Variants in NAB1 observed in about 807,000 individuals in gnomAD.
NAB1 encodes the protein NGFI-A-binding protein 1.
NAB1 carries 25 observed loss-of-function variants against 49.9 expected under a neutral mutation model. The ratio of observed to expected loss-of-function variants is 0.50; its 90% CI spans 0.37 to 0.70. The LOEUF is 0.70. Ranked by LOEUF, NAB1 falls within the 30% of genes least tolerant of loss-of-function variation. NAB1 has a pLI of 0.00. For synonymous variants in NAB1, 198 were observed against 215.6 expected (o/e 0.92, Z 0.71); for missense variants, 489 against 575.9 (o/e 0.85, Z 1.54).
rs900620244 is a variant in NAB1 at position 190,657,861 on chromosome 2, T to C, written c.-19-1297T>C. ...TAACTATTGCTGCATACTGTCAGAG[T>C]TGAGAGTGGGTCTTCCATTTTTCTC... On this transcript the variant is annotated intron_variant, in intron 3 of 9. Coordinates refer to ENST00000337386, the MANE Select transcript of NAB1 (RefSeq NM_005966.4). This position sits in a 1 kb window ranked among gnomAD's most constrained non-coding sequence, Gnocchi z 4.4. Among the ~76,000 whole-genome samples the C allele has an allele frequency of 6.6e-6, 1 of 152,220 alleles. No homozygotes were observed. The highest frequency in any genetic ancestry group is 6.5e-5 in the Admixed American group (1 of 15,292).
In NAB1 at chr2:190,684,173, C is replaced by T. The variant is rs919121997; in HGVS notation, c.1095+346C>T. The stretch of plus-strand genomic sequence containing the variant: ...AATGCAACTCTGAGATAAAATAATA[C>T]TAGTTCTCAATAAAATATTAATAGT... On this transcript the variant is annotated intron_variant, in intron 7 of 9. Transcript: ENST00000337386. The surrounding 1 kb of genome is among the most constrained non-coding windows in gnomAD (Gnocchi z 4.6). 6.6e-6 allele frequency among the ~76,000 whole-genome samples: 1 copy of T among 152,170 alleles called. No individual in the cohort carries two copies. Among genetic ancestry groups the T allele is most frequent in the Non-Finnish European group, 1.5e-5 (1 of 68,018 alleles).
chr2:190,657,074 G>A lies in NAB1; in HGVS notation c.-20+921G>A, dbSNP rs1204465945. Among the ~76,000 whole-genome samples the A allele has an allele frequency of 6.6e-6, 1 of 152,078 alleles. No individual in the cohort carries two copies. Among genetic ancestry groups the A allele is most frequent in the Non-Finnish European group, 1.5e-5 (1 of 67,998 alleles). On this transcript the variant is annotated intron_variant, in intron 3 of 9. Transcript: ENST00000337386. This position sits in a 1 kb window ranked among gnomAD's most constrained non-coding sequence, Gnocchi z 4.4. The stretch of plus-strand genomic sequence containing the variant: ...TTTCTGTATTGCGTTGAAAGCCTAT[G>A]GAGGAATTGCACGAGGTGTATGATA...
Position 190,682,624 on chromosome 2 carries a change from G to T in NAB1, c.1006-1114G>T, listed in dbSNP as rs1023440552. On this transcript the variant is annotated intron_variant, in intron 6 of 9. Transcript: ENST00000337386. This position sits in a 1 kb window ranked among gnomAD's most constrained non-coding sequence, Gnocchi z 4.1. ...ATCAAACTTTTAGAAAAATTAGAGGGTAGATTTAAGTACTGAACCAAATTT... is the reference window on the plus strand; with the variant it reads ...ATCAAACTTTTAGAAAAATTAGAGGTTAGATTTAAGTACTGAACCAAATTT... 6.6e-6 allele frequency among the ~76,000 whole-genome samples: 1 copy of T among 152,166 alleles called. No individual in the cohort carries two copies. Among genetic ancestry groups the T allele is most frequent in the African/African-American group, 2.4e-5 (1 of 41,434 alleles).
At position 190,670,250 on chromosome 2, in the gene NAB1, T is replaced by C. The variant is rs2286897; in HGVS notation, c.820-76T>C. 1,465 of 1,345,360 alleles carry C rather than the reference T, an allele frequency of 1.1e-3. 10 individuals carry two copies. The highest frequency in any genetic ancestry group is 0.011 in the East Asian group (459 of 42,924). 83.3% of individuals were successfully genotyped at this position (1,345,360 alleles called of 1,614,324 possible). ...ATTATATAATGGTGTAACATTCTTA[T>C]ATTTTAAGTGAAACCTTTTGCATTT... On this transcript the variant is annotated intron_variant, in intron 4 of 9. Transcript: ENST00000337386. The surrounding 1 kb of genome is among the most constrained non-coding windows in gnomAD (Gnocchi z 5.3).
In NAB1 at chr2:190,659,360, C is replaced by G. The variant is rs1238428684; in HGVS notation, c.184C>G (p.Pro62Ala). The G allele has an allele frequency of 6.2e-7, 1 of 1,614,128 alleles. No homozygotes were observed. The change falls in exon 4 of 10, where the codon CCC (proline) becomes GCC (alanine). Residue 62 changes from proline to alanine, a missense_variant. Transcript: ENST00000337386. This position sits in a 1 kb window ranked among gnomAD's most constrained non-coding sequence, Gnocchi z 6.2. Reference protein sequence around the residue: ...IMALVGMASKPLHVRRLQKAL... With the variant: ...IMALVGMASKALHVRRLQKAL... ...GGCACTCGTGGGCATGGCTAGCAAG[C>G]CCCTTCATGTTAGAAGGCTGCAGAA...
Position 190,682,617 on chromosome 2 carries a change from T to G in NAB1, c.1006-1121T>G, listed in dbSNP as rs1156987416. On this transcript the variant is annotated intron_variant, in intron 6 of 9. Transcript: ENST00000337386. The surrounding 1 kb of genome is among the most constrained non-coding windows in gnomAD (Gnocchi z 4.1). ...AAAACAAATCAAACTTTTAGAAAAA[T>G]TAGAGGGTAGATTTAAGTACTGAAC... Among the ~76,000 whole-genome samples, 1 of 152,138 alleles carries G rather than the reference T, an allele frequency of 6.6e-6. No homozygotes were observed. Among genetic ancestry groups the G allele is most frequent in the African/African-American group, 2.4e-5 (1 of 41,422 alleles).
Position 190,659,060 on chromosome 2 carries a change from T to C in NAB1, c.-19-98T>C. ...CACAGGCAGTCACGATGCAGATGCT[T>C]CTCGTTTTTGTTCTTAAAACCTGTA... On this transcript the variant is annotated intron_variant, in intron 3 of 9. Transcript: ENST00000337386. This position sits in a 1 kb window ranked among gnomAD's most constrained non-coding sequence, Gnocchi z 6.2. 4.0e-6 allele frequency: 3 copies of C among 746,726 alleles called. No homozygotes were observed. 46.3% of individuals were successfully genotyped at this position (746,726 alleles called of 1,614,324 possible). A position where few individuals can be genotyped will look rare whatever the true frequency, so the allele number is the denominator to read the frequency against.
rs1167176740 is a variant in NAB1, at chr2:190,685,415, T to A, written c.1096-61T>A. 3.4e-6 allele frequency: 5 copies of A among 1,466,996 alleles called. No homozygotes were observed. The African/African-American group carries it at 7.1e-5, about 21-fold the overall frequency. 90.9% of individuals were successfully genotyped at this position (1,466,996 alleles called of 1,614,324 possible). On this transcript the variant is annotated intron_variant, in intron 7 of 9. Coordinates refer to ENST00000337386, the MANE Select transcript of NAB1 (RefSeq NM_005966.4). The surrounding 1 kb of genome is among the most constrained non-coding windows in gnomAD (Gnocchi z 4.5). ...TGCTGGAGTCTGAAATTGGCATCTT[T>A]AAACCATTAAAAAATCTAGAATGTT...
rs565629328 is a variant in NAB1, at chr2:190,652,882, G to A, written c.-197+2900G>A. 6.6e-5 allele frequency among the ~76,000 whole-genome samples: 10 copies of A among 152,288 alleles called. No individual in the cohort carries two copies. Among genetic ancestry groups the A allele is most frequent in the East Asian group, 5.8e-4 (3 of 5,184 alleles). On this transcript the variant is annotated intron_variant, in intron 2 of 9. Transcript: ENST00000337386. The surrounding 1 kb of genome is among the most constrained non-coding windows in gnomAD (Gnocchi z 4.2). ...CTGGGTCTAGGATGAGAATAAAAGC[G>A]AAAATAATTAATTGCATAGAGCAAG...
chr2:190,670,232 A>T lies in NAB1; in HGVS notation c.820-94A>T. On this transcript the variant is annotated intron_variant, in intron 4 of 9. Transcript: ENST00000337386. The surrounding 1 kb of genome is among the most constrained non-coding windows in gnomAD (Gnocchi z 5.3). The stretch of plus-strand genomic sequence containing the variant: ...TTTATGAATAATGATTCCATTATAT[A>T]ATGGTGTAACATTCTTATATTTTAA... 8.7e-7 allele frequency: 1 copy of T among 1,144,208 alleles called. No individual in the cohort carries two copies. The highest frequency in any genetic ancestry group is 1.2e-6 in the Non-Finnish European group (1 of 808,470). 70.9% of individuals were successfully genotyped at this position (1,144,208 alleles called of 1,614,324 possible). A position where few individuals can be genotyped will look rare whatever the true frequency, so the allele number is the denominator to read the frequency against.
intron 3 of NAB1, among the ~76,000 whole-genome samples, chr2:190,658,207 C>T (rs1245049807): frequency 6.6e-6 from 1 of 152,114 alleles, no homozygotes; most frequent in Non-Finnish European, 1.5e-5. Context: ...GAGTGATCAC[C>T]CACCCTCCTT....
intron 4 of NAB1, among the ~76,000 whole-genome samples, chr2:190,668,629 C>A (rs1694645980): frequency 6.6e-6 from 1 of 151,994 alleles, no homozygotes; most frequent in Non-Finnish European, 1.5e-5. Context: ...TTTATATGTA[C>A]ACTGAAATAT....
rs1379031484 is a variant in NAB1, at chr2:190,686,222, C to G, written c.1258+584C>G. Among the ~76,000 whole-genome samples the G allele has an allele frequency of 6.6e-6, 1 of 152,136 alleles. No individual in the cohort carries two copies. Among genetic ancestry groups the G allele is most frequent in the East Asian group, 1.9e-4 (1 of 5,202 alleles). On this transcript the variant is annotated intron_variant, in intron 8 of 9. Coordinates refer to ENST00000337386, the MANE Select transcript of NAB1 (RefSeq NM_005966.4). The surrounding 1 kb of genome is among the most constrained non-coding windows in gnomAD (Gnocchi z 5.5). ...AGGCATTTTATTTTTTTAGCAATTCCTATGTGCCAGGCACTCTCCTAGGCA... is the reference window on the plus strand; with the variant it reads ...AGGCATTTTATTTTTTTAGCAATTCGTATGTGCCAGGCACTCTCCTAGGCA...
At chr2:190,662,953 T>G (rs1472209119) in intron 4 of NAB1, among the ~76,000 whole-genome samples, 1 of 152,156 alleles carries the variant, frequency 6.6e-6, no homozygotes, top group East Asian at 1.9e-4. Flanking sequence ...TAGGTCAGTT[T>G]CCATTATAGT....
At position 190,651,371 on chromosome 2, in the gene NAB1, T is replaced by G. The variant is rs974885019; in HGVS notation, c.-197+1389T>G. ...CTTGTTAGAGAAACACTGAAAGCAT[T>G]AGGTATTTTCATCACGGTATAGCTA... is the stretch of plus-strand genomic sequence containing the variant. On this transcript the variant is annotated intron_variant, in intron 2 of 9. Transcript: ENST00000337386. This position sits in a 1 kb window ranked among gnomAD's most constrained non-coding sequence, Gnocchi z 4.3. Among the ~76,000 whole-genome samples, 1 of 152,228 alleles carries G rather than the reference T, an allele frequency of 6.6e-6. No individual in the cohort carries two copies. Among genetic ancestry groups the G allele is most frequent in the Non-Finnish European group, 1.5e-5 (1 of 68,036 alleles).
rs1693687933 is a variant in NAB1, at chr2:190,651,909, A to G, written c.-197+1927A>G. On this transcript the variant is annotated intron_variant, in intron 2 of 9. Transcript: ENST00000337386. The surrounding 1 kb of genome is among the most constrained non-coding windows in gnomAD (Gnocchi z 4.3). ...TGCTAAACATATTATAGCATAAATA[A>G]TACCCACTTGAGCATAATAGAAGAT... Among the ~76,000 whole-genome samples the G allele has an allele frequency of 6.6e-6, 1 of 152,234 alleles. No individual in the cohort carries two copies. The highest frequency in any genetic ancestry group is 1.5e-5 in the Non-Finnish European group (1 of 68,046).
rs1158842663 is a variant in NAB1, at chr2:190,678,588, T to C, written c.1006-5150T>C. On this transcript the variant is annotated intron_variant, in intron 6 of 9. Coordinates refer to ENST00000337386, the MANE Select transcript of NAB1 (RefSeq NM_005966.4). This position sits in a 1 kb window ranked among gnomAD's most constrained non-coding sequence, Gnocchi z 4.9. ...TTCAGAGATAAGTGGATGAAAGAAA[T>C]GAGGTTTGTTAATAGAGCCCAGGAA... Among the ~76,000 whole-genome samples the C allele has an allele frequency of 1.3e-5, 2 of 150,524 alleles. No individual in the cohort carries two copies. Among genetic ancestry groups the C allele is most frequent in the Non-Finnish European group, 1.5e-5 (1 of 67,832 alleles).
rs772600519 is a variant in NAB1, at chr2:190,659,835, A to G, written c.659A>G (p.Glu220Gly). The G allele has an allele frequency of 1.9e-6, 3 of 1,614,234 alleles. No homozygotes were observed. The highest frequency in any genetic ancestry group is 1.3e-5 in the African/African-American group (1 of 75,050). Residue 220 changes from glutamate (E) to glycine (G), a missense_variant, in exon 4 of 10, where the codon GAG becomes GGG. Around this residue, in one of 4 missense-constraint regions of NAB1, gnomAD observed 204 missense variants for 220.9 expected, o/e 0.92. Coordinates refer to ENST00000337386, the MANE Select transcript of NAB1 (RefSeq NM_005966.4). This position sits in a 1 kb window ranked among gnomAD's most constrained non-coding sequence, Gnocchi z 6.2. ...LPKSDLNEVK[E>G]LLKTNKKLAK... ...AAAAGTGACTTGAATGAAGTGAAAG[A>G]GCTGCTAAAAACCAACAAGAAGTTG...
In NAB1 at chr2:190,685,692, G is replaced by A. The variant is rs1695573153; in HGVS notation, c.1258+54G>A. On this transcript the variant is annotated intron_variant, in intron 8 of 9. Coordinates refer to ENST00000337386, the MANE Select transcript of NAB1 (RefSeq NM_005966.4). The surrounding 1 kb of genome is among the most constrained non-coding windows in gnomAD (Gnocchi z 4.5). ...AGGGCCACTATGTGCACTTCAAAGA[G>A]AAACAGAAGACAGTGGCTGATTTTT... The A allele has an allele frequency of 7.6e-7, 1 of 1,316,626 alleles. No homozygotes were observed. Among genetic ancestry groups the A allele is most frequent in the Non-Finnish European group, 9.9e-7 (1 of 1,006,008 alleles). 81.6% of individuals were successfully genotyped at this position (1,316,626 alleles called of 1,614,324 possible). A position where few individuals can be genotyped will look rare whatever the true frequency, so the allele number is the denominator to read the frequency against.
Sources: gnomAD v4.1 joint callset for allele counts (sites outside exome capture counted in the v4.1 genomes callset) on GRCh38, gnomAD v4.1.1 for gene constraint, gnomAD v4.1.1 regional missense constraint, Gnocchi (gnomAD v3.1) non-coding constraint, MANE v1.5 for transcripts, NCBI Gene and HGNC (gene_info 2026-07-23, HGNC 2026-07-21) for gene names.